The following DNAAF9 variants were observed in gnomAD, a reference collection of about 807,000 sequenced individuals.
DNAAF9 encodes dynein axonemal assembly factor 9.
DNAAF9 carries 90 observed loss-of-function variants against 167.0 expected under a neutral mutation model. The ratio of observed to expected loss-of-function variants is 0.54; its 90% CI spans 0.45 to 0.64. The LOEUF is 0.64. DNAAF9 is among the 30% of genes least tolerant of loss of function. The pLI is 0.00. For synonymous variants in DNAAF9, 491 were observed against 508.8 expected (o/e 0.96, Z 0.47); for missense variants, 1,315 against 1,442.2 (o/e 0.91, Z 1.43).
intron 20 of DNAAF9, among the ~76,000 whole-genome samples, chr20:3,306,493 T>C (rs1187891830): frequency 6.6e-6 from 1 of 152,186 alleles, no homozygotes; most frequent in Non-Finnish European, 1.5e-5. Flanking sequence ...GTTTTCACAA[T>C]TGTAACAGGT....
chr20:3,260,279 C>T (rs527336883), intron 31 of DNAAF9, among the ~76,000 whole-genome samples: 185 of 152,062 alleles, frequency 1.2e-3, no homozygotes, highest in African/African-American at 4.1e-3. Flanking sequence ...GCGGAGCTTG[C>T]AGTGAGGCGA....
At chr20:3,404,930 T>C (rs538484710) in intron 1 of DNAAF9, among the ~76,000 whole-genome samples, 9 of 152,342 alleles carry the variant, frequency 5.9e-5, no homozygotes, top group African/African-American at 1.9e-4. Context: ...CTGTCAAGCA[T>C]AGGTCACCTG....
intron 7 of DNAAF9, among the ~76,000 whole-genome samples, chr20:3,352,698 T>C (rs1600841203): frequency 6.6e-6 from 1 of 152,152 alleles, no homozygotes; most frequent in African/African-American, 2.4e-5. Context: ...AAATAACCTG[T>C]ATCAAGTGCT....
At chr20:3,377,213 T>C (rs1273545222) in intron 3 of DNAAF9, among the ~76,000 whole-genome samples, 2 of 152,190 alleles carry the variant, frequency 1.3e-5, no homozygotes, top group Non-Finnish European at 2.9e-5. Context: ...TAAATGTTTA[T>C]CAGACTTAAA....
intron 1 of DNAAF9, among the ~76,000 whole-genome samples, chr20:3,382,899 T>A (rs758951930): frequency 2.0e-5 from 3 of 152,192 alleles, no homozygotes; most frequent in African/African-American, 7.2e-5. Flanking sequence ...TCACCCCACT[T>A]GTGGTCCTCA....
In DNAAF9 at chr20:3,252,550, G is replaced by A. The variant is rs756522645; in HGVS notation, c.*22C>T. ...CATCTCCAAGGTGGACATTCTGCAG[G>A]ACGTACGGGCCCAGCCTTCCTCTAG... On this transcript the variant is annotated 3_prime_UTR_variant, in exon 37 of 37. Transcript: ENST00000252032. 7.8e-7 allele frequency: 1 copy of A among 1,282,510 alleles called. No individual in the cohort carries two copies. The highest frequency in any genetic ancestry group is 2.3e-5 in the East Asian group (1 of 43,400). The allele number at this position is 1,282,510 out of a possible 1,614,324, so 79.4% of individuals were successfully genotyped here. A position where few individuals can be genotyped will look rare whatever the true frequency, so the allele number is the denominator to read the frequency against.
At chr20:3,304,150 T>G (rs1035986077) in intron 21 of DNAAF9, among the ~76,000 whole-genome samples, 2 of 152,240 alleles carry the variant, frequency 1.3e-5, no homozygotes, top group African/African-American at 4.8e-5. Flanking sequence ...GCCTGCTTTA[T>G]AGTCCTCTTT....
chr20:3,348,520 C>T lies in DNAAF9; in HGVS notation c.789+5G>A, dbSNP rs1223259292. On this transcript the variant is annotated splice_donor_5th_base_variant and intron_variant, in intron 8 of 36. Transcript: ENST00000252032. The stretch of plus-strand genomic sequence containing the variant: ...TTCTTCCTCTTTGACCCTTCCCTTA[C>T]ATACCTCACCCGCCTGAGATTCTGA... The T allele has an allele frequency of 4.4e-5, 67 of 1,539,258 alleles. No homozygotes were observed. The highest frequency in any genetic ancestry group is 5.6e-5 in the Non-Finnish European group (63 of 1,124,190).
chr20:3,332,312 T>G lies in DNAAF9; in HGVS notation c.1031A>C (p.Tyr344Ser). The change falls in exon 11 of 37, where the codon TAC becomes TCC. Residue 344 changes from tyrosine to serine, a missense_variant. Coordinates refer to ENST00000252032, the MANE Select transcript of DNAAF9 (RefSeq NM_001009984.3). ...PKGPLACSRTYFFGATHVPYL... is the reference protein window; with the variant it reads ...PKGPLACSRTSFFGATHVPYL... The stretch of plus-strand genomic sequence containing the variant: ...AGGAACATGAGTAGCTCCAAAAAAG[T>G]ATGTTCTCGAACAAGCAAGAGGTCC... 1 of 1,606,582 alleles carries G rather than the reference T, an allele frequency of 6.2e-7. No individual in the cohort carries two copies. The highest frequency in any genetic ancestry group is 8.5e-7 in the Non-Finnish European group (1 of 1,173,374).
chr20:3,388,626 C>G (rs143600237), intron 1 of DNAAF9, among the ~76,000 whole-genome samples: 2 of 152,314 alleles, frequency 1.3e-5, no homozygotes, highest in Non-Finnish European at 2.9e-5. Flanking sequence ...AAAGGAAATT[C>G]TGACACATGC....
intron 26 of DNAAF9, among the ~76,000 whole-genome samples, chr20:3,289,231 CAT>C (rs987376981): frequency 5.9e-5 from 9 of 152,168 alleles, no homozygotes; most frequent in African/African-American, 2.2e-4. Context: ...CATATGTATA[CAT>C]GTGTAACAAA....
At position 3,332,313 on chromosome 20, in the gene DNAAF9, A is replaced by T; in HGVS notation, c.1030T>A (p.Tyr344Asn). ...PKGPLACSRT[Y>N]FFGATHVPYL... ...GGAACATGAGTAGCTCCAAAAAAGT[A>T]TGTTCTCGAACAAGCAAGAGGTCCC... Residue 344 changes from tyrosine to asparagine, a missense_variant, in exon 11 of 37, where the codon TAC becomes AAC. By Grantham distance (143) the Tyr-to-Asn change is moderately radical. Transcript: ENST00000252032. 6.2e-7 allele frequency: 1 copy of T among 1,606,670 alleles called. No homozygotes were observed. Among genetic ancestry groups the T allele is most frequent in the Non-Finnish European group, 8.5e-7 (1 of 1,173,338 alleles).
At chr20:3,264,336 C>T (rs1034596255) in intron 31 of DNAAF9, 102 bp downstream of exon 31, 1 of 678,454 alleles carries the variant, frequency 1.5e-6, no homozygotes, top group Admixed American at 2.5e-5. Context: ...CCTTGCAAAG[C>T]ACATCTGGTA....
rs1410174675 is a variant in DNAAF9 at position 3,253,831 on chromosome 20, A to G, written c.3328-12T>C. 1.4e-6 allele frequency: 2 copies of G among 1,410,248 alleles called. No individual in the cohort carries two copies. Among genetic ancestry groups the G allele is most frequent in the Non-Finnish European group, 2.0e-6 (2 of 994,230 alleles). 87.4% of individuals were successfully genotyped at this position (1,410,248 alleles called of 1,614,324 possible). A position where few individuals can be genotyped will look rare whatever the true frequency, so the allele number is the denominator to read the frequency against. On this transcript the variant is annotated splice_polypyrimidine_tract_variant and intron_variant, in intron 35 of 36. Transcript: ENST00000252032. ...AAGTGGCGTTTTACCTGTAGGAGAA[A>G]AGAGACCTGTAATAATTATCTGACT...
intron 1 of DNAAF9, among the ~76,000 whole-genome samples, chr20:3,382,791 T>G (rs1048385626): frequency 6.6e-6 from 1 of 152,184 alleles, no homozygotes; most frequent in Non-Finnish European, 1.5e-5. Context: ...TCTCTCATGG[T>G]CAATGGTGGA....
At chr20:3,389,188 C>T (rs2083791120) in intron 1 of DNAAF9, among the ~76,000 whole-genome samples, 1 of 152,048 alleles carries the variant, frequency 6.6e-6, no homozygotes, top group Admixed American at 6.5e-5. Context: ...CTCTGTTGCT[C>T]AAGCTGGAGT....
intron 30 of DNAAF9, among the ~76,000 whole-genome samples, chr20:3,268,897 C>CTATTTT (rs2068536685): frequency 1.2e-5 from 1 of 85,850 alleles, no homozygotes; most frequent in Non-Finnish European, 2.1e-5. Context: ...CTCTATGTTA[C>CTATTTT]TTTTTTTTTT....
chr20:3,331,978 C>A (rs66879753), intron 11 of DNAAF9, among the ~76,000 whole-genome samples: 17,952 of 152,248 alleles, frequency 0.12, 1,279 homozygotes, highest in Middle Eastern at 0.2. Context: ...CTGGTCCCTA[C>A]CTCCTGCTTT....
intron 28 of DNAAF9, among the ~76,000 whole-genome samples, chr20:3,281,422 C>T (rs1173949301): frequency 6.6e-6 from 1 of 152,192 alleles, no homozygotes; most frequent in Non-Finnish European, 1.5e-5. Flanking sequence ...TACTATTAAA[C>T]AGAAATAGTT....
Sources: allele counts gnomAD v4.1 joint callset (sites outside exome capture counted in the v4.1 genomes callset), GRCh38; gene constraint gnomAD v4.1.1; transcripts MANE v1.5; gene names NCBI Gene and HGNC (gene_info 2026-07-23, HGNC 2026-07-21).